CES5A: variants seen among roughly 807,000 people sequenced by gnomAD.
The protein encoded by CES5A is carboxylesterase 5.
Under a neutral mutation model 62.9 loss-of-function variants are expected in CES5A, and 67 were observed. That is an observed-to-expected ratio of 1.07 (90% CI 0.88 to 1.31). The LOEUF is 1.31. Ranked by LOEUF, CES5A falls within the 50% of genes most tolerant of loss-of-function variation. The pLI is 0.00. For synonymous variants in CES5A, 296 were observed against 280.8 expected, an observed-to-expected ratio of 1.05 and a Z score of -0.54; for missense variants, 748 against 708.5, an observed-to-expected ratio of 1.06 and a Z score of -0.63.
chr16:55,944,370 G>C (rs183266682), intron 2 of CES5A: 1 of 402,984 alleles, frequency 2.5e-6, no homozygotes, highest in Non-Finnish European at 4.5e-6. Flanking sequence ...ACCATTGGGG[G>C]CTCTCATTTT....
intron 6 of CES5A, among the ~76,000 whole-genome samples, chr16:55,862,767 A>T (rs1477346781): frequency 1.3e-5 from 2 of 152,210 alleles, no homozygotes; most frequent in East Asian, 3.8e-4. Flanking sequence ...TCATTAACTC[A>T]TTCATCCGGA....
At chr16:55,926,875 A>G (rs2034262915), upstream of CES5A, among the ~76,000 whole-genome samples, 1 of 152,226 alleles carries the variant, frequency 6.6e-6, no homozygotes, top group Non-Finnish European at 1.5e-5. Flanking sequence ...TGACTGAACC[A>G]CATCCACCTC....
At chr16:55,932,946 G>T (rs2142470791) in intron 2 of CES5A, among the ~76,000 whole-genome samples, 1 of 152,332 alleles carries the variant, frequency 6.6e-6, no homozygotes, top group African/African-American at 2.4e-5. Context: ...CAATGATGAT[G>T]GAAGTTCAGA....
chr16:55,857,908 G>T (rs1324214984), intron 8 of CES5A, among the ~76,000 whole-genome samples: 1 of 145,492 alleles, frequency 6.9e-6, no homozygotes, highest in Admixed American at 6.9e-5. Context: ...TTTAAAGGGA[G>T]AGCCTAGGCT....
At position 55,856,526 on chromosome 16, in the gene CES5A, C is replaced by T. The variant is rs1290518784; in HGVS notation, c.1057-81G>A. The T allele has an allele frequency of 2.5e-5, 34 of 1,339,636 alleles. 1 individual carries two copies. In the South Asian group the frequency reaches 3.6e-4, roughly 14 times the overall value. The allele number at this position is 1,339,636 out of a possible 1,614,324, so 83.0% of individuals were successfully genotyped here. On this transcript the variant is annotated intron_variant, in intron 8 of 12. Coordinates refer to ENST00000290567, the MANE Select transcript of CES5A (RefSeq NM_001143685.2). ...TCTCCCCAAGGGCCTGGGCAGCTGA[C>T]TTTCACAGGGGAAGTTGGATAAGGA... is the stretch of plus-strand genomic sequence containing the variant.
chr16:55,934,346 T>TTAAA (rs1418479509), intron 2 of CES5A, among the ~76,000 whole-genome samples: 35 of 152,152 alleles, frequency 2.3e-4, no homozygotes, highest in African/African-American at 7.2e-4. Context: ...TATTTGTTGA[T>TTAAA]TAAATAAATA....
intron 8 of CES5A, among the ~76,000 whole-genome samples, chr16:55,857,939 A>T (rs577450975): frequency 2.2e-4 from 34 of 152,338 alleles, no homozygotes; most frequent in African/African-American, 8.2e-4. Flanking sequence ...CCATGCCTGT[A>T]ATTCCAGCAC....
At chr16:55,873,750 C>A in intron 2 of CES5A, 83 bp downstream of exon 2, 1 of 1,289,872 alleles carries the variant, frequency 7.8e-7, no homozygotes, top group Non-Finnish European at 1.1e-6. Flanking sequence ...GCCAATCCCT[C>A]TTCTTTCACA....
upstream of CES5A, among the ~76,000 whole-genome samples, chr16:55,878,115 C>T (rs764085073): frequency 9.2e-5 from 14 of 152,140 alleles, no homozygotes; most frequent in Admixed American, 3.3e-4. Flanking sequence ...CCCTGTTCTC[C>T]CAGATTGCTC....
intron 2 of CES5A, among the ~76,000 whole-genome samples, chr16:55,948,766 T>G (rs1161153279): frequency 6.6e-6 from 1 of 151,932 alleles, no homozygotes; most frequent in African/African-American, 2.4e-5. Context: ...GCATTCCAGG[T>G]GGTGAGAAAG....
intron 1 of CES5A, among the ~76,000 whole-genome samples, chr16:55,918,100 C>G (rs961222986): frequency 1.3e-5 from 2 of 152,132 alleles, no homozygotes; most frequent in African/African-American, 4.8e-5. Flanking sequence ...TGGGCAGGCA[C>G]AGAGGTACCT....
intron 1 of CES5A, among the ~76,000 whole-genome samples, chr16:55,886,261 C>T (rs1189478768): frequency 3.9e-5 from 6 of 152,196 alleles, no homozygotes; most frequent in African/African-American, 1.4e-4. Context: ...TAAAGACATA[C>T]ATGATGACTT....
At chr16:55,928,606 A>C (rs992001466), upstream of CES5A, among the ~76,000 whole-genome samples, 1 of 152,258 alleles carries the variant, frequency 6.6e-6, no homozygotes, top group Non-Finnish European at 1.5e-5. Context: ...AATCTTAACA[A>C]GAAGTAAACG....
intron 1 of CES5A, among the ~76,000 whole-genome samples, chr16:55,950,153 C>T (rs1219807557): frequency 3.9e-5 from 6 of 152,024 alleles, no homozygotes; most frequent in South Asian, 4.1e-4. Context: ...GAGAGACCTG[C>T]TACAAGAAAT....
At chr16:55,905,331 C>T (rs1489124868) in intron 1 of CES5A, among the ~76,000 whole-genome samples, 1 of 151,628 alleles carries the variant, frequency 6.6e-6, no homozygotes, top group Non-Finnish European at 1.5e-5. Context: ...TCCTTTTATC[C>T]ACGTTATCCT....
At chr16:55,878,146 A>C (rs1197528215), upstream of CES5A, among the ~76,000 whole-genome samples, 1 of 152,154 alleles carries the variant, frequency 6.6e-6, no homozygotes, top group Non-Finnish European at 1.5e-5. Context: ...CTGAGGGAGA[A>C]AACCAAGATG....
chr16:55,941,781 A>C (rs938139309), intron 2 of CES5A, among the ~76,000 whole-genome samples: 1 of 152,160 alleles, frequency 6.6e-6, no homozygotes, highest in Non-Finnish European at 1.5e-5. Context: ...CATAGATAGC[A>C]TAAGGGAGTT....
chr16:55,952,018 CA>C (rs1375763539), intron 1 of CES5A, among the ~76,000 whole-genome samples: 1 of 151,412 alleles, frequency 6.6e-6, no homozygotes, highest in African/African-American at 2.4e-5. Flanking sequence ...ATGGAGCATT[CA>C]AAAAAAATTA....
At chr16:55,924,630 A>C (rs1377434148) in intron 1 of CES5A, among the ~76,000 whole-genome samples, 7 of 152,124 alleles carry the variant, frequency 4.6e-5, no homozygotes, top group African/African-American at 1.7e-4. Flanking sequence ...CTGAGCAAAA[A>C]GAACAAAGCT....
Sources: gnomAD v4.1 joint callset for allele counts (sites outside exome capture counted in the v4.1 genomes callset) on GRCh38, gnomAD v4.1.1 for gene constraint, MANE v1.5 for transcripts, NCBI Gene and HGNC (gene_info 2026-07-23, HGNC 2026-07-21) for gene names.